PRKN: variants seen among roughly 807,000 people sequenced by gnomAD.
PRKN encodes parkin RBR E3 ubiquitin protein ligase, also known as E3 ubiquitin-protein ligase parkin.
PRKN carries 56 observed loss-of-function variants against 59.5 expected under a neutral mutation model. The ratio of observed to expected loss-of-function variants is 0.94; its 90% CI spans 0.76 to 1.18. PRKN has a LOEUF of 1.18. Ranked by LOEUF, PRKN falls within the 50% of genes most tolerant of loss-of-function variation. The pLI is 0.00. For synonymous variants in PRKN, 250 were observed against 222.1 expected (o/e 1.13, Z -1.12); for missense variants, 657 against 596.4 (o/e 1.10, Z -1.06).
chr6:162,332,986 T>C (rs1228911143), intron 2 of PRKN, among the ~76,000 whole-genome samples: 2 of 152,200 alleles, frequency 1.3e-5, no homozygotes, highest in East Asian at 1.9e-4. Context: ...CATGCTGCTA[T>C]TTGAAAGACC....
chr6:161,973,196 C>T (rs1780889717), intron 6 of PRKN, 106 bp downstream of exon 6: 5 of 775,886 alleles, frequency 6.4e-6, no homozygotes, highest in Non-Finnish European at 1.1e-5. Flanking sequence ...GAGGAAGGCT[C>T]GTGTGGCAGA....
At chr6:162,248,406 C>A (rs57932514) in intron 3 of PRKN, among the ~76,000 whole-genome samples, 4 of 152,136 alleles carry the variant, frequency 2.6e-5, no homozygotes, top group Non-Finnish European at 5.9e-5. Flanking sequence ...ATTAATCCAG[C>A]CTTTTATTAG....
intron 1 of PRKN, among the ~76,000 whole-genome samples, chr6:162,702,451 G>T (rs1377904004): frequency 6.6e-6 from 1 of 151,938 alleles, no homozygotes; most frequent in Non-Finnish European, 1.5e-5. Flanking sequence ...AAACAAAACG[G>T]ACAAAGAAAA....
intron 2 of PRKN, among the ~76,000 whole-genome samples, chr6:162,276,898 T>C (rs1423444034): frequency 1.3e-5 from 2 of 152,132 alleles, no homozygotes; most frequent in Non-Finnish European, 2.9e-5. Context: ...ATACCCTATG[T>C]TCTATGACAA....
chr6:162,609,085 G>C (rs1782036176), intron 1 of PRKN, among the ~76,000 whole-genome samples: 1 of 152,172 alleles, frequency 6.6e-6, no homozygotes. Flanking sequence ...CCAACTTCCA[G>C]ATAGAAGAGA....
chr6:162,029,159 G>C (rs1004107458), intron 5 of PRKN, among the ~76,000 whole-genome samples: 1 of 152,034 alleles, frequency 6.6e-6, no homozygotes, highest in Non-Finnish European at 1.5e-5. Flanking sequence ...AATCACCCAA[G>C]GAGCTCTGCA....
At chr6:161,711,581 T>G (rs1024751705) in intron 7 of PRKN, among the ~76,000 whole-genome samples, 1 of 152,184 alleles carries the variant, frequency 6.6e-6, no homozygotes, top group African/African-American at 2.4e-5. Flanking sequence ...TACTGAGTGT[T>G]AATTTGATTG....
At chr6:161,862,573 C>T (rs565399463) in intron 6 of PRKN, among the ~76,000 whole-genome samples, 3 of 152,158 alleles carry the variant, frequency 2.0e-5, no homozygotes, top group East Asian at 1.9e-4. Flanking sequence ...TTCCCATGAG[C>T]TCCCCTACTG....
chr6:162,709,421 T>C, intron 1 of PRKN, among the ~76,000 whole-genome samples: 1 of 151,748 alleles, frequency 6.6e-6, no homozygotes, highest in Non-Finnish European at 1.5e-5. Context: ...CAGGTTGCTT[T>C]CGCAGGTGAG....
chr6:161,834,489 C>CTTGTT (rs1364198073), intron 6 of PRKN, among the ~76,000 whole-genome samples: 1 of 152,170 alleles, frequency 6.6e-6, no homozygotes, highest in African/African-American at 2.4e-5. Flanking sequence ...TTATCCATAA[C>CTTGTT]TTGTTTGGGA....
chr6:162,706,132 TAAAA>T (rs766578797), intron 1 of PRKN, among the ~76,000 whole-genome samples: 2 of 106,526 alleles, frequency 1.9e-5, no homozygotes, highest in Non-Finnish European at 2.0e-5. Context: ...ACCTGAAGGT[TAAAA>T]AAAAAAAAAA....
At position 161,487,410 on chromosome 6, in the gene PRKN, A is replaced by G. The variant is rs1021963064; in HGVS notation, c.1083+61444T>C. Among the ~76,000 whole-genome samples the G allele has an allele frequency of 5.3e-5, 8 of 152,184 alleles. No individual in the cohort carries two copies. Among genetic ancestry groups the G allele is most frequent in the African/African-American group, 1.9e-4 (8 of 41,462 alleles). ...GACAGTCTGGGGCCTGTGGGATGGCAAAGGAATTTTCTAGAACTAAGAGTG... is the reference window on the plus strand; with the variant it reads ...GACAGTCTGGGGCCTGTGGGATGGCGAAGGAATTTTCTAGAACTAAGAGTG... On this transcript the variant is annotated intron_variant, in intron 9 of 11. Coordinates refer to ENST00000366898, the MANE Select transcript of PRKN (RefSeq NM_004562.3). This position sits in a 1 kb window ranked among gnomAD's most constrained non-coding sequence, Gnocchi z 5.3.
intron 9 of PRKN, among the ~76,000 whole-genome samples, chr6:161,415,005 G>A (rs1188756114): frequency 6.6e-6 from 1 of 152,176 alleles, no homozygotes; most frequent in African/African-American, 2.4e-5. Flanking sequence ...TCTGCGGAGC[G>A]TCACCTGGTT....
At chr6:162,570,639 TAA>T (rs1358666255) in intron 1 of PRKN, among the ~76,000 whole-genome samples, 1 of 152,102 alleles carries the variant, frequency 6.6e-6, no homozygotes, top group African/African-American at 2.4e-5. Flanking sequence ...TATTCAGCCA[TAA>T]AAAAGAGTGA....
chr6:162,356,223 T>C (rs1248770745), intron 2 of PRKN, among the ~76,000 whole-genome samples: 1 of 152,208 alleles, frequency 6.6e-6, no homozygotes, highest in Non-Finnish European at 1.5e-5. Context: ...GACTACGTAA[T>C]GTAGAAAGCA....
chr6:162,269,197 G>A (rs768782729), intron 2 of PRKN, among the ~76,000 whole-genome samples: 5 of 152,106 alleles, frequency 3.3e-5, no homozygotes, highest in African/African-American at 7.2e-5. Flanking sequence ...TTATCACGTC[G>A]TATTGTAGTT....
chr6:162,203,969 G>A (rs1351850718), intron 3 of PRKN, among the ~76,000 whole-genome samples: 4 of 151,964 alleles, frequency 2.6e-5, no homozygotes, highest in Non-Finnish European at 4.4e-5. Flanking sequence ...CAGATATTTC[G>A]CCACGTTTGG....
intron 7 of PRKN, among the ~76,000 whole-genome samples, chr6:161,677,553 C>G (rs527842343): frequency 6.6e-6 from 1 of 152,300 alleles, no homozygotes; most frequent in African/African-American, 2.4e-5. Flanking sequence ...ATGAGGTAGA[C>G]GGAGCAAGGG....
At position 161,815,473 on chromosome 6, in the gene PRKN, A is replaced by G. The variant is rs142706348; in HGVS notation, c.735-29565T>C. On this transcript the variant is annotated intron_variant, in intron 6 of 11. Coordinates refer to ENST00000366898, the MANE Select transcript of PRKN (RefSeq NM_004562.3). ...CAGATCCTAATATCCAACTTGGTCA[A>G]CTTTCAAAAGTGCCTTATCAGACTT... Among the ~76,000 whole-genome samples the G allele has an allele frequency of 4.1e-4, 62 of 152,328 alleles. No homozygotes were observed. In the East Asian group the frequency reaches 0.01, roughly 26 times the overall value.
Sources: allele counts gnomAD v4.1 joint callset (sites outside exome capture counted in the v4.1 genomes callset), GRCh38; gene constraint gnomAD v4.1.1; non-coding constraint Gnocchi (gnomAD v3.1); transcripts MANE v1.5; gene names NCBI Gene and HGNC (gene_info 2026-07-23, HGNC 2026-07-21).